The following ROBO1 variants were observed in gnomAD, a reference collection of about 807,000 sequenced individuals.
The protein encoded by ROBO1 is roundabout homolog 1.
In ROBO1, 149 loss-of-function variants were observed where a neutral mutation model predicts 195.9. The ratio of observed to expected loss-of-function variants is 0.76; its 90% confidence interval spans 0.67 to 0.87. The LOEUF (loss-of-function observed/expected upper bound fraction) is 0.87, where lower values mean the gene tolerates loss of function less well. Among genes scored for constraint, ROBO1 ranks in the 40% least tolerant of loss-of-function variants. ROBO1 has a pLI of 0.00. For synonymous variants in ROBO1, 816 were observed against 733.2 expected, an observed-to-expected ratio of 1.11 and a Z score of -1.82; for missense variants, 1,933 against 2,068.3, an observed-to-expected ratio of 0.93 and a Z score of 1.27.
chr3:78,860,139 G>GTAGGTAGATAGA (rs1273657592), intron 4 of ROBO1, among the ~76,000 whole-genome samples: 18 of 141,992 alleles, frequency 1.3e-4, no homozygotes, highest in African/African-American at 3.2e-4. Flanking sequence ...AGGTAGATAG[G>GTAGGTAGATAGA]TAGATAGATA....
At chr3:78,674,772 T>C (rs1186063179) in intron 10 of ROBO1, among the ~76,000 whole-genome samples, 1 of 152,222 alleles carries the variant, frequency 6.6e-6, no homozygotes, top group Non-Finnish European at 1.5e-5. Flanking sequence ...CTTTAAATTA[T>C]AATTATAAAA....
rs577500944 is a variant in ROBO1, at chr3:78,743,370, C to T, written c.657+3373G>A. The stretch of plus-strand genomic sequence containing the variant: ...TACCAGCTGTAATTGACTCAGTCAC[C>T]GACACCTCCTTCAAATCGTCTTTAC... On this transcript the variant is annotated intron_variant, in intron 5 of 30. Transcript: ENST00000464233. Among the ~76,000 whole-genome samples the T allele has an allele frequency of 3.3e-5, 5 of 152,020 alleles. No homozygotes were observed. In the East Asian group the frequency reaches 5.8e-4, roughly 18 times the overall value.
chr3:78,842,574 T>A (rs2033336001), intron 4 of ROBO1, among the ~76,000 whole-genome samples: 1 of 104,814 alleles, frequency 9.5e-6, no homozygotes, highest in Non-Finnish European at 1.9e-5. Context: ...ATGAGCCATT[T>A]ATATATTTAT....
intron 2 of ROBO1, among the ~76,000 whole-genome samples, chr3:79,410,878 A>G (rs2037738897): frequency 6.6e-6 from 1 of 152,142 alleles, no homozygotes; most frequent in Non-Finnish European, 1.5e-5. Context: ...TCAGTAAAGC[A>G]GAACAGTAAA....
intron 2 of ROBO1, among the ~76,000 whole-genome samples, chr3:79,524,752 C>A (rs889797889): frequency 6.6e-6 from 1 of 151,998 alleles, no homozygotes; most frequent in Non-Finnish European, 1.5e-5. Flanking sequence ...GAGAAAATGA[C>A]GTTCATATTG....
rs1192044324 is a variant in ROBO1 at position 79,512,223 on chromosome 3, T to C, written c.88+77601A>G. Among the ~76,000 whole-genome samples, 5 of 152,182 alleles carry C rather than the reference T, an allele frequency of 3.3e-5. No homozygotes were observed. The South Asian group carries it at 1.0e-3, about 32-fold the overall frequency. On this transcript the variant is annotated intron_variant, in intron 2 of 30. Coordinates refer to ENST00000464233, the MANE Select transcript of ROBO1 (RefSeq NM_002941.4). ...TTAAAAAGAGATAACTCGAAGTGAT[T>C]CTACTTTATACGTGAATATAGCTAG...
intron 1 of ROBO1, among the ~76,000 whole-genome samples, chr3:79,653,366 T>C (rs1417213438): frequency 6.6e-6 from 1 of 151,952 alleles, no homozygotes; most frequent in Non-Finnish European, 1.5e-5. Flanking sequence ...ACATTTTACC[T>C]CTATTGTTCA....
chr3:78,897,296 G>A (rs1378043943), intron 4 of ROBO1, among the ~76,000 whole-genome samples: 2 of 152,040 alleles, frequency 1.3e-5, no homozygotes, highest in South Asian at 2.1e-4. Context: ...AGTATTTTTC[G>A]AAGCACCATC....
intron 2 of ROBO1, among the ~76,000 whole-genome samples, chr3:79,316,304 G>A (rs1309815307): frequency 6.6e-6 from 1 of 152,076 alleles, no homozygotes; most frequent in African/African-American, 2.4e-5. Flanking sequence ...AAGGAGGGTG[G>A]CTAAAAGTGA....
chr3:79,429,411 G>T (rs1028553045), intron 2 of ROBO1, among the ~76,000 whole-genome samples: 9 of 152,078 alleles, frequency 5.9e-5, no homozygotes, highest in Non-Finnish European at 1.0e-4. Context: ...CTTCAGTTTT[G>T]CTCAAAGTCT....
chr3:78,760,415 C>T (rs920479031), intron 4 of ROBO1, among the ~76,000 whole-genome samples: 1 of 151,814 alleles, frequency 6.6e-6, no homozygotes, highest in African/African-American at 2.4e-5. Flanking sequence ...ACCTGTAATC[C>T]CTGCATTTGG....
At chr3:78,865,849 TAC>T (rs2035143483) in intron 4 of ROBO1, among the ~76,000 whole-genome samples, 1 of 152,174 alleles carries the variant, frequency 6.6e-6, no homozygotes, top group Non-Finnish European at 1.5e-5. Context: ...TCATTAGAGT[TAC>T]ACTTTGCTAA....
chr3:78,911,737 G>A (rs1005907306), intron 4 of ROBO1, among the ~76,000 whole-genome samples: 10 of 151,978 alleles, frequency 6.6e-5, no homozygotes, highest in African/African-American at 1.9e-4. Context: ...TTCAAAGGGG[G>A]TAATTGGAAT....
intron 4 of ROBO1, among the ~76,000 whole-genome samples, chr3:78,749,752 A>C (rs1425174826): frequency 6.6e-6 from 1 of 152,162 alleles, no homozygotes; most frequent in Non-Finnish European, 1.5e-5. Context: ...TTGGCAGAAA[A>C]ACCAAAAGCA....
At chr3:79,395,340 A>AAAAAAAGAAAG (rs71631648) in intron 2 of ROBO1, among the ~76,000 whole-genome samples, 4 of 119,076 alleles carry the variant, frequency 3.4e-5, no homozygotes, top group African/African-American at 6.2e-5. Context: ...AAAAAAAAAA[A>AAAAAAAGAAAG]AAAGAAAGAA....
At chr3:78,711,138 A>C (rs1053852194) in intron 8 of ROBO1, among the ~76,000 whole-genome samples, 1 of 152,194 alleles carries the variant, frequency 6.6e-6, no homozygotes, top group Non-Finnish European at 1.5e-5. Flanking sequence ...ACAGGTCATA[A>C]GGCAGCATCA....
intron 2 of ROBO1, among the ~76,000 whole-genome samples, chr3:79,157,402 A>G (rs1315675085): frequency 6.6e-6 from 1 of 151,918 alleles, no homozygotes; most frequent in Non-Finnish European, 1.5e-5. Context: ...GGCATTCAGT[A>G]ATGAGACCAT....
chr3:78,961,554 A>G lies in ROBO1; in HGVS notation c.173-22627T>C, dbSNP rs193008044. On this transcript the variant is annotated intron_variant, in intron 3 of 30. Transcript: ENST00000464233. ...TTTGATTAGGTGTTTTAATTCTCAT[A>G]GTACCCACAACATTCTGAAGTGGGC... Among the ~76,000 whole-genome samples, 219 of 152,320 alleles carry G rather than the reference A, an allele frequency of 1.4e-3. 5 individuals carry two copies. Among genetic ancestry groups the G allele is most frequent in the African/African-American group, 3.8e-3 (158 of 41,568 alleles).
At chr3:79,432,795 T>A (rs1455372029) in intron 2 of ROBO1, among the ~76,000 whole-genome samples, 2 of 152,166 alleles carry the variant, frequency 1.3e-5, no homozygotes, top group African/African-American at 4.8e-5. Flanking sequence ...TATTTCTTTT[T>A]AGTCAAGGGT....
Sources: gnomAD v4.1 joint callset for allele counts (sites outside exome capture counted in the v4.1 genomes callset) on GRCh38, gnomAD v4.1.1 for gene constraint, MANE v1.5 for transcripts, NCBI Gene and HGNC (gene_info 2026-07-23, HGNC 2026-07-21) for gene names.